AFF3: variants seen among roughly 807,000 people sequenced by gnomAD.
AFF3 encodes the protein AF4/FMR2 family member 3.
A neutral mutation model predicts 129.7 loss-of-function variants in AFF3; 32 were observed. The observed-to-expected ratio is 0.25, with a 90% CI of 0.19 to 0.33. The LOEUF (loss-of-function observed/expected upper bound fraction) is 0.33. Ranked by LOEUF, AFF3 falls within the 10% of genes least tolerant of loss-of-function variation. The pLI, the probability that AFF3 is intolerant of heterozygous loss-of-function variation, is 1.00. For synonymous variants in AFF3, 644 were observed against 635.4 expected (o/e 1.01, Z -0.20); for missense variants, 1,373 against 1,592.0 (o/e 0.86, Z 2.34).
intron 8 of AFF3, among the ~76,000 whole-genome samples, chr2:99,817,776 CT>C (rs1442402479): frequency 2.6e-5 from 4 of 152,188 alleles, no homozygotes; most frequent in African/African-American, 9.7e-5. Flanking sequence ...CATGTTGCAG[CT>C]TCCATTGTCG....
At chr2:99,624,203 C>T (rs980167768) in intron 13 of AFF3, among the ~76,000 whole-genome samples, 10 of 152,090 alleles carry the variant, frequency 6.6e-5, no homozygotes, top group Admixed American at 6.6e-4. Context: ...AGCTACCTAT[C>T]TGCTTGAATT....
chr2:99,635,124 A>AT (rs1352815178), intron 13 of AFF3, among the ~76,000 whole-genome samples: 21 of 151,066 alleles, frequency 1.4e-4, no homozygotes, highest in East Asian at 9.7e-4. Context: ...ACATATCTCT[A>AT]GGTATATGAT....
chr2:99,830,078 C>G (rs1265455186), intron 8 of AFF3, among the ~76,000 whole-genome samples: 1 of 152,058 alleles, frequency 6.6e-6, no homozygotes, highest in East Asian at 1.9e-4. Flanking sequence ...ACAATGAGAA[C>G]ACATGGACAC....
chr2:99,902,716 T>A (rs1274599572), intron 7 of AFF3, among the ~76,000 whole-genome samples: 1 of 152,176 alleles, frequency 6.6e-6, no homozygotes, highest in Non-Finnish European at 1.5e-5. Context: ...AGCAGTATTA[T>A]AAAGTAATTA....
At chr2:99,657,977 T>C (rs934787154) in intron 12 of AFF3, among the ~76,000 whole-genome samples, 3 of 152,204 alleles carry the variant, frequency 2.0e-5, no homozygotes, top group South Asian at 2.1e-4. Flanking sequence ...TTTTTGAGCA[T>C]TTCTAGGACA....
intron 7 of AFF3, among the ~76,000 whole-genome samples, chr2:99,951,091 C>G (rs956844841): frequency 1.3e-5 from 2 of 152,166 alleles, no homozygotes; most frequent in Non-Finnish European, 2.9e-5. Context: ...TATAGCTTAA[C>G]ATTTTTAAAC....
chr2:99,699,827 A>G lies in AFF3; in HGVS notation c.1092-27238T>C, dbSNP rs866542837. ...GAACCATAATGGTTTCTGTGTATCA[A>G]TTGTTTGTGGGCAACTGCTGAAAGG... On this transcript the variant is annotated intron_variant, in intron 11 of 24. Transcript: ENST00000672756. 2.0e-4 allele frequency among the ~76,000 whole-genome samples: 31 copies of G among 152,156 alleles called. 1 individual carries two copies. Among genetic ancestry groups the G allele is most frequent in the African/African-American group, 6.8e-4 (28 of 41,448 alleles).
intron 13 of AFF3, among the ~76,000 whole-genome samples, chr2:99,639,276 TA>T (rs1248061814): frequency 1.3e-5 from 2 of 152,222 alleles, no homozygotes; most frequent in Non-Finnish European, 2.9e-5. Flanking sequence ...AAATTAGTAC[TA>T]GGGGGGCTTT....
intron 19 of AFF3, among the ~76,000 whole-genome samples, chr2:99,567,956 C>T (rs1415856523): frequency 6.6e-6 from 1 of 152,200 alleles, no homozygotes; most frequent in Non-Finnish European, 1.5e-5. Flanking sequence ...TGGACAAGAG[C>T]TGTACCTTCC....
intron 7 of AFF3, among the ~76,000 whole-genome samples, chr2:99,844,918 C>A (rs534799508): frequency 5.3e-5 from 8 of 150,556 alleles, no homozygotes; most frequent in African/African-American, 2.0e-4. Flanking sequence ...AGCAGGCATT[C>A]GATTATATTT....
intron 13 of AFF3, among the ~76,000 whole-genome samples, chr2:99,609,751 G>A (rs913227541): frequency 2.0e-5 from 3 of 152,126 alleles, no homozygotes; most frequent in Non-Finnish European, 2.9e-5. Flanking sequence ...TTACTCCCAA[G>A]GTTAAATCTT....
At chr2:99,769,963 C>T (rs1000532605) in intron 8 of AFF3, among the ~76,000 whole-genome samples, 1 of 152,184 alleles carries the variant, frequency 6.6e-6, no homozygotes, top group Non-Finnish European at 1.5e-5. Flanking sequence ...CAGCACAACA[C>T]TAAGTCTTAC....
intron 7 of AFF3, among the ~76,000 whole-genome samples, chr2:99,938,257 C>G (rs1009397097): frequency 6.6e-6 from 1 of 152,164 alleles, no homozygotes; most frequent in African/African-American, 2.4e-5. Context: ...GACGGACATG[C>G]GCACAACCAA....
chr2:100,114,397 T>G (rs1691645055), intron 2 of AFF3, among the ~76,000 whole-genome samples: 1 of 152,020 alleles, frequency 6.6e-6, no homozygotes, highest in Admixed American at 6.5e-5. Context: ...ACTGTGTTTT[T>G]CTGAGACAGA....
In AFF3 at chr2:99,546,913, G is replaced by A; in HGVS notation, c.*4561C>T. 1 of 221,464 alleles carries A rather than the reference G, an allele frequency of 4.5e-6. No homozygotes were observed. The highest frequency in any genetic ancestry group is 9.0e-6 in the Non-Finnish European group (1 of 110,730). 13.7% of individuals were successfully genotyped at this position (221,464 alleles called of 1,614,324 possible). A position where few individuals can be genotyped will look rare whatever the true frequency, so the allele number is the denominator to read the frequency against. On this transcript the variant is annotated 3_prime_UTR_variant, in exon 25 of 25. Transcript: ENST00000672756. ...AGATGACCTTCTCAAGCTTCCTGTTGAGCCTTCACTGGGACACTGGGAGCG... is the reference window on the plus strand; with the variant it reads ...AGATGACCTTCTCAAGCTTCCTGTTAAGCCTTCACTGGGACACTGGGAGCG...
intron 7 of AFF3, among the ~76,000 whole-genome samples, chr2:99,920,727 T>G (rs944859430): frequency 4.6e-5 from 7 of 152,010 alleles, no homozygotes; most frequent in African/African-American, 1.7e-4. Flanking sequence ...AAAAAAGGTG[T>G]ACAGATTGGA....
At chr2:99,660,712 C>T (rs1009555049) in intron 12 of AFF3, among the ~76,000 whole-genome samples, 4 of 152,184 alleles carry the variant, frequency 2.6e-5, no homozygotes, top group Non-Finnish European at 2.9e-5. Context: ...GGAATCCTTG[C>T]GTGCAGGGTT....
intron 4 of AFF3, among the ~76,000 whole-genome samples, chr2:100,038,150 TGAAGTCTAAGACA>T (rs2105025184): frequency 6.6e-6 from 1 of 152,028 alleles, no homozygotes; most frequent in East Asian, 1.9e-4. Flanking sequence ...TCCCCTGCAA[TGAAGTCTAAGACA>T]GAAGGATCTG....
At chr2:99,769,362 T>C (rs1336722384) in intron 8 of AFF3, among the ~76,000 whole-genome samples, 1 of 152,176 alleles carries the variant, frequency 6.6e-6, no homozygotes, top group Non-Finnish European at 1.5e-5. Flanking sequence ...TATTTCAATC[T>C]CTTTGTTAAA....
Sources: allele counts gnomAD v4.1 joint callset (sites outside exome capture counted in the v4.1 genomes callset), GRCh38; gene constraint gnomAD v4.1.1; transcripts MANE v1.5; gene names NCBI Gene and HGNC (gene_info 2026-07-23, HGNC 2026-07-21).